The following ADAMTS14 variants were observed in gnomAD, a reference collection of about 807,000 sequenced individuals.
ADAMTS14 encodes ADAM metallopeptidase with thrombospondin type 1 motif 14, also known as A disintegrin and metalloproteinase with thrombospondin motifs 14.
A neutral mutation model predicts 128.6 loss-of-function variants in ADAMTS14; 100 were observed. The observed-to-expected ratio is 0.78, with a 90% CI of 0.66 to 0.92. ADAMTS14 has a LOEUF of 0.92. Among genes scored for constraint, ADAMTS14 ranks in the 40% least tolerant of loss-of-function variants. The probability of loss-of-function intolerance (pLI) is 0.00; values close to 1 mark genes in which losing one functional copy is unlikely to be tolerated. For missense variants in ADAMTS14, 1,562 were observed against 1,658.6 expected (o/e 0.94, Z 1.01); for synonymous variants, 665 against 653.8 (o/e 1.02, Z -0.26).
chr10:70,734,595 C>T (rs1331418595), intron 8 of ADAMTS14, among the ~76,000 whole-genome samples: 1 of 152,218 alleles, frequency 6.6e-6, no homozygotes, highest in African/African-American at 2.4e-5. Context: ...ACTCCCAATT[C>T]CGGCCTGGCT....
intron 11 of ADAMTS14, among the ~76,000 whole-genome samples, chr10:70,740,704 G>C (rs914602390): frequency 6.6e-6 from 1 of 152,188 alleles, no homozygotes; most frequent in African/African-American, 2.4e-5. Flanking sequence ...GAGAGGGTTA[G>C]TCAGTCCCTG....
intron 3 of ADAMTS14, among the ~76,000 whole-genome samples, chr10:70,704,416 C>G (rs1840589472): frequency 6.6e-6 from 1 of 151,602 alleles, no homozygotes; most frequent in African/African-American, 2.4e-5. Context: ...CCGCACTCAC[C>G]CTTACTGGCA....
intron 14 of ADAMTS14, among the ~76,000 whole-genome samples, 169 bp from the exon 15 acceptor site, chr10:70,745,057 C>T (rs1009139903): frequency 1.3e-5 from 2 of 152,162 alleles, no homozygotes; most frequent in Non-Finnish European, 2.9e-5. Context: ...TCCCAGCACC[C>T]TCATGGAGAA....
chr10:70,746,893 T>G (rs980319709), intron 15 of ADAMTS14, among the ~76,000 whole-genome samples: 3 of 152,114 alleles, frequency 2.0e-5, no homozygotes, highest in African/African-American at 7.2e-5. Flanking sequence ...GGTGTCTGTG[T>G]TCAGACCCCT....
chr10:70,701,865 T>C (rs1309961046), intron 2 of ADAMTS14, among the ~76,000 whole-genome samples: 1 of 152,138 alleles, frequency 6.6e-6, no homozygotes, highest in Non-Finnish European at 1.5e-5. Context: ...TTAGGGATAA[T>C]GAGCCTTTGC....
chr10:70,737,086 A>G (rs754186444), intron 10 of ADAMTS14, among the ~76,000 whole-genome samples: 20 of 152,074 alleles, frequency 1.3e-4, no homozygotes, highest in East Asian at 1.9e-4. Context: ...CATTTTACCA[A>G]TGAGAAGAAT....
chr10:70,748,349 T>G (rs1842246610), intron 15 of ADAMTS14, among the ~76,000 whole-genome samples: 1 of 152,182 alleles, frequency 6.6e-6, no homozygotes, highest in South Asian at 2.1e-4. Flanking sequence ...ATGGGAGAAC[T>G]GGAGGCTGCA....
intron 3 of ADAMTS14, among the ~76,000 whole-genome samples, chr10:70,705,435 A>G (rs1162835416): frequency 6.6e-6 from 1 of 152,234 alleles, no homozygotes; most frequent in Non-Finnish European, 1.5e-5. Context: ...GCTGGGGCTC[A>G]GGGCGGCTGC....
rs1005551716 is a variant in ADAMTS14, at chr10:70,738,892, C to A, written c.1650C>A (p.Gly550=). Residue 550 remains glycine, a synonymous_variant, in exon 11 of 22, where the codon GGC becomes GGA. Transcript: ENST00000373207. ...GGAAGTCGCCGGAGCAGACATATGG[C>A]CAGGATGGAGGCTGGAGCTCCTGGA... The part of the protein sequence containing the change: ...CIWKSPEQTY[G]QDGGWSSWTK... 1.2e-6 allele frequency: 2 copies of A among 1,614,006 alleles called. No individual in the cohort carries two copies. Among genetic ancestry groups the A allele is most frequent in the Admixed American group, 1.7e-5 (1 of 60,002 alleles).
intron 18 of ADAMTS14, among the ~76,000 whole-genome samples, chr10:70,752,988 A>G (rs930217601): frequency 6.6e-6 from 1 of 152,208 alleles, no homozygotes; most frequent in Admixed American, 6.5e-5. Context: ...TTGTATTGTT[A>G]TTCAGACTGA....
intron 4 of ADAMTS14, among the ~76,000 whole-genome samples, chr10:70,724,701 A>T (rs1841372663): frequency 3.3e-5 from 5 of 152,134 alleles, no homozygotes; most frequent in Admixed American, 2.0e-4. Flanking sequence ...AGGGCTGGGG[A>T]TGGCAGGGGT....
Position 70,716,824 on chromosome 10 carries a change from T to A in ADAMTS14, c.870+8046T>A, listed in dbSNP as rs1325244165. 2.0e-5 allele frequency among the ~76,000 whole-genome samples: 3 copies of A among 152,074 alleles called. No homozygotes were observed. The East Asian group carries it at 5.8e-4, about 29-fold the overall frequency. Reference sequence around the variant, plus strand: ...GCCATTAGTGAAGCACCCAAAGTTATCTGACAAGGCCCTGGGCACTGCTGT... The same window carrying A: ...GCCATTAGTGAAGCACCCAAAGTTAACTGACAAGGCCCTGGGCACTGCTGT... On this transcript the variant is annotated intron_variant, in intron 4 of 21. Coordinates refer to ENST00000373207, the MANE Select transcript of ADAMTS14 (RefSeq NM_080722.4).
At position 70,760,795 on chromosome 10, in the gene ADAMTS14, C is replaced by G; in HGVS notation, c.3614C>G (p.Pro1205Arg). The G allele has an allele frequency of 6.2e-7, 1 of 1,607,202 alleles. No individual in the cohort carries two copies. Among genetic ancestry groups the G allele is most frequent in the Non-Finnish European group, 8.5e-7 (1 of 1,175,560 alleles). The change falls in exon 22 of 22, where the codon CCT (proline) becomes CGT (arginine). Residue 1205 changes from proline to arginine, a missense_variant. Coordinates refer to ENST00000373207, the MANE Select transcript of ADAMTS14 (RefSeq NM_080722.4). ...CCAGTCCCTGAGGACAAAGGGCAAC[C>G]TGGAGAAGACCTGAGACATCCCGGC... Reference protein sequence around the residue: ...PTPVPEDKGQPGEDLRHPGTS... With the variant: ...PTPVPEDKGQRGEDLRHPGTS...
chr10:70,677,703 C>T (rs777871399), intron 2 of ADAMTS14, among the ~76,000 whole-genome samples: 3 of 152,202 alleles, frequency 2.0e-5, no homozygotes, highest in African/African-American at 7.2e-5. Flanking sequence ...CCTCCAGGCC[C>T]TGGGAGTGGT....
At chr10:70,758,308 A>T in intron 21 of ADAMTS14, 23 bp downstream of exon 21, 1 of 1,603,170 alleles carries the variant, frequency 6.2e-7, no homozygotes, top group East Asian at 2.2e-5. Context: ...TATGGACCCT[A>T]CCCTGCTCCC....
chr10:70,677,261 G>A (rs952331571), intron 2 of ADAMTS14, among the ~76,000 whole-genome samples: 4 of 152,268 alleles, frequency 2.6e-5, no homozygotes, highest in Admixed American at 1.3e-4. Context: ...GATGGTGGAG[G>A]TGGGGCTGTT....
intron 2 of ADAMTS14, among the ~76,000 whole-genome samples, chr10:70,698,405 G>A (rs1424472148): frequency 6.6e-6 from 1 of 152,216 alleles, no homozygotes. Context: ...TGTGGTGCCT[G>A]GTTTCCTGGC....
chr10:70,751,233 C>T (rs1045864880), intron 16 of ADAMTS14, among the ~76,000 whole-genome samples: 1 of 152,158 alleles, frequency 6.6e-6, no homozygotes, highest in Admixed American at 6.5e-5. Flanking sequence ...AAGGGAAGAG[C>T]ATTCCTAGGT....
chr10:70,673,092 A>G (rs1314545403), intron 1 of ADAMTS14, among the ~76,000 whole-genome samples: 3 of 151,840 alleles, frequency 2.0e-5, no homozygotes, highest in Non-Finnish European at 4.4e-5. Flanking sequence ...GTAGACAGAG[A>G]CCCCAGGAGA....
Sources: gnomAD v4.1 joint callset for allele counts (sites outside exome capture counted in the v4.1 genomes callset) on GRCh38, gnomAD v4.1.1 for gene constraint, MANE v1.5 for transcripts, NCBI Gene and HGNC (gene_info 2026-07-23, HGNC 2026-07-21) for gene names.